Variants in KBTBD3 observed in about 807,000 individuals in gnomAD.
KBTBD3 encodes the protein kelch repeat and BTB domain containing 3, also known as kelch repeat and BTB domain-containing protein 3.
A neutral mutation model predicts 49.6 loss-of-function variants in KBTBD3; 38 were observed. The ratio of observed to expected loss-of-function variants is 0.77; its 90% CI spans 0.59 to 1.00. The LOEUF (loss-of-function observed/expected upper bound fraction) is 1.00. Ranked by LOEUF, KBTBD3 falls within the 50% of genes least tolerant of loss-of-function variation. KBTBD3 has a pLI of 0.00. For missense variants in KBTBD3, 661 were observed against 712.0 expected (o/e 0.93, Z 0.81); for synonymous variants, 214 against 250.4 (o/e 0.85, Z 1.37).
rs77867952 is a variant in KBTBD3, at chr11:106,072,659, A to G, written c.-13+3848T>C. Among the ~76,000 whole-genome samples the G allele has an allele frequency of 8.9e-3, 1,355 of 152,304 alleles. 23 individuals are homozygous for G. The highest frequency in any genetic ancestry group is 0.031 in the African/African-American group (1,308 of 41,550). ...TTGATAAAAAGTAATGACAAAAATCATATGCCACTTGATAAAAGCAGAACG... is the reference window on the plus strand; with the variant it reads ...TTGATAAAAAGTAATGACAAAAATCGTATGCCACTTGATAAAAGCAGAACG... On this transcript the variant is annotated intron_variant, in intron 2 of 3. Transcript: ENST00000531837.
Position 106,053,361 on chromosome 11 carries a change from C to T in KBTBD3, c.1328G>A (p.Gly443Asp). 2.5e-6 allele frequency: 4 copies of T among 1,613,174 alleles called. No homozygotes were observed. Among genetic ancestry groups the T allele is most frequent in the Non-Finnish European group, 2.5e-6 (3 of 1,179,786 alleles). The change falls in exon 4 of 4, where the codon GGC becomes GAC. Residue 443 changes from glycine (G) to aspartate (D), a missense_variant. Transcript: ENST00000531837. ...TGTGCTTGCTTCTGGATAGTATATGCCTCTGGGTAATGGGCTAACAGATAT... is the reference window on the plus strand; with the variant it reads ...TGTGCTTGCTTCTGGATAGTATATGTCTCTGGGTAATGGGCTAACAGATAT... ...EWISVSPLPR[G>D]IYYPEASTCQ...
intron 2 of KBTBD3, among the ~76,000 whole-genome samples, chr11:106,072,539 G>T (rs1040703366): frequency 3.9e-5 from 6 of 152,074 alleles, no homozygotes; most frequent in Admixed American, 1.3e-4. Flanking sequence ...TTTTTAAAAT[G>T]ATTGTTATTC....
chr11:106,057,920 T>A, intron 3 of KBTBD3: 1 of 395,078 alleles, frequency 2.5e-6, no homozygotes, highest in Non-Finnish European at 4.5e-6. Context: ...CCTGTCGTCT[T>A]CTTTTTCTAA....
chr11:106,071,098 A>G (rs1305430492), intron 2 of KBTBD3, among the ~76,000 whole-genome samples: 1 of 152,156 alleles, frequency 6.6e-6, no homozygotes, highest in Non-Finnish European at 1.5e-5. Flanking sequence ...ATATTAAAAG[A>G]TAACAAAAGA....
At chr11:106,061,384 C>A (rs1013301110) in intron 2 of KBTBD3, among the ~76,000 whole-genome samples, 1 of 152,216 alleles carries the variant, frequency 6.6e-6, no homozygotes, top group Non-Finnish European at 1.5e-5. Context: ...TCAGGTCCCT[C>A]ATTGCTCTAG....
chr11:106,057,949 T>C (rs1048429254), intron 3 of KBTBD3: 10 of 397,826 alleles, frequency 2.5e-5, no homozygotes, highest in African/African-American at 4.1e-5. Flanking sequence ...AACACAGGGA[T>C]CCCCCAAACA....
chr11:106,055,548 A>C (rs1860534028), intron 3 of KBTBD3, among the ~76,000 whole-genome samples: 1 of 152,210 alleles, frequency 6.6e-6, no homozygotes, highest in Non-Finnish European at 1.5e-5. Flanking sequence ...AACCTGTGAT[A>C]ATAATTATAT....
chr11:106,075,012 C>T (rs1408303642), intron 2 of KBTBD3, among the ~76,000 whole-genome samples: 3 of 152,110 alleles, frequency 2.0e-5, no homozygotes, highest in Non-Finnish European at 2.9e-5. Flanking sequence ...TGATCTCATC[C>T]GATGCCTTTC....
Position 106,053,213 on chromosome 11 carries a change from C to T in KBTBD3, c.1476G>A (p.Glu492=), listed in dbSNP as rs1342953156. ...TTDQWSELVA[E]FGQFFHATLI... The stretch of plus-strand genomic sequence containing the variant: ...ATGTTGCATGAAAAAATTGCCCAAA[C>T]TCTGCTACTAGTTCAGACCACTGAT... Residue 492 remains glutamate, a synonymous_variant, in exon 4 of 4, where the codon GAG becomes GAA. Transcript: ENST00000531837. 1 of 1,613,632 alleles carries T rather than the reference C, an allele frequency of 6.2e-7. No homozygotes were observed. Among genetic ancestry groups the T allele is most frequent in the Non-Finnish European group, 8.5e-7 (1 of 1,179,820 alleles).
intron 2 of KBTBD3, among the ~76,000 whole-genome samples, chr11:106,069,475 T>C (rs746270462): frequency 8.5e-5 from 12 of 140,534 alleles, no homozygotes; most frequent in Non-Finnish European, 1.6e-4. Flanking sequence ...AAACAAAAAT[T>C]AAAACAAAAA....
chr11:106,063,140 C>T (rs1048854864), intron 2 of KBTBD3, among the ~76,000 whole-genome samples: 1 of 152,218 alleles, frequency 6.6e-6, no homozygotes, highest in African/African-American at 2.4e-5. Context: ...AGAACTGAAA[C>T]TTAACTTGGA....
chr11:106,069,461 A>G (rs968370454), intron 2 of KBTBD3, among the ~76,000 whole-genome samples: 5 of 152,134 alleles, frequency 3.3e-5, no homozygotes, highest in Admixed American at 3.3e-4. Flanking sequence ...CAATAAACAC[A>G]TAGAAACAAA....
At position 106,059,127 on chromosome 11, in the gene KBTBD3, T is replaced by C; in HGVS notation, c.-12-18A>G. On this transcript the variant is annotated intron_variant, in intron 2 of 3. Coordinates refer to ENST00000531837, the MANE Select transcript of KBTBD3 (RefSeq NM_198439.3). ...CCTTAGAACTAGAATAAAAACAAAA[T>C]CACCGATGTAGTAGAGACCTAATGC... 4 of 1,426,004 alleles carry C rather than the reference T, an allele frequency of 2.8e-6. No homozygotes were observed. The highest frequency in any genetic ancestry group is 3.8e-6 in the Non-Finnish European group (4 of 1,055,990). The allele number at this position is 1,426,004 out of a possible 1,614,324, so 88.3% of individuals were successfully genotyped here.
chr11:106,073,256 A>G (rs1443367422), intron 2 of KBTBD3, among the ~76,000 whole-genome samples: 1 of 99,650 alleles, frequency 1.0e-5, no homozygotes, highest in African/African-American at 2.9e-5. Context: ...TAGCACACTC[A>G]GCTTTTTTTT....
rs1860453382 is a variant in KBTBD3 at position 106,052,987 on chromosome 11, C to G, written c.1702G>C (p.Glu568Gln). ...CTGTTGCTGTGGTAGACCTGCACTTCATCTGTGATTTCATCTGGTGCATAA... is the reference window on the plus strand; with the variant it reads ...CTGTTGCTGTGGTAGACCTGCACTTGATCTGTGATTTCATCTGGTGCATAA... ...GDYAPDEITD[E>Q]VQVYHSNRSE... is the part of the protein sequence containing the mutation. Residue 568 changes from glutamate to glutamine, a missense_variant, in exon 4 of 4, where the codon GAA becomes CAA. By Grantham distance (29) the Glu-to-Gln change is conservative (BLOSUM62 2). Coordinates refer to ENST00000531837, the MANE Select transcript of KBTBD3 (RefSeq NM_198439.3). 1 of 1,613,684 alleles carries G rather than the reference C, an allele frequency of 6.2e-7. No homozygotes were observed. Among genetic ancestry groups the G allele is most frequent in the South Asian group, 1.1e-5 (1 of 91,082 alleles).
At chr11:106,065,035 T>C (rs1438803734) in intron 2 of KBTBD3, among the ~76,000 whole-genome samples, 3 of 152,212 alleles carry the variant, frequency 2.0e-5, no homozygotes, top group Non-Finnish European at 2.9e-5. Context: ...GCAAGGATAT[T>C]TGATCAACAT....
chr11:106,056,603 G>A (rs1024586333), intron 3 of KBTBD3, among the ~76,000 whole-genome samples: 7 of 152,270 alleles, frequency 4.6e-5, no homozygotes, highest in African/African-American at 1.7e-4. Context: ...AGTAGGTACG[G>A]TGCTAATTAT....
At chr11:106,067,887 T>G (rs771491411) in intron 2 of KBTBD3, among the ~76,000 whole-genome samples, 3 of 151,960 alleles carry the variant, frequency 2.0e-5, no homozygotes, top group African/African-American at 4.8e-5. Flanking sequence ...ACAAGTAAAT[T>G]CACTTCAAAT....
At chr11:106,056,841 G>A (rs1332270321) in intron 3 of KBTBD3, among the ~76,000 whole-genome samples, 1 of 152,104 alleles carries the variant, frequency 6.6e-6, no homozygotes, top group East Asian at 1.9e-4. Context: ...TGATGAAGAG[G>A]GGACCTGAAG....
Sources: gnomAD v4.1 joint callset for allele counts (sites outside exome capture counted in the v4.1 genomes callset) on GRCh38, gnomAD v4.1.1 for gene constraint, MANE v1.5 for transcripts, NCBI Gene and HGNC (gene_info 2026-07-23, HGNC 2026-07-21) for gene names.